The following NEU2 variants were observed in gnomAD, a reference collection of about 807,000 sequenced individuals.
NEU2 encodes sialidase-2.
Under a neutral mutation model 6.3 loss-of-function variants are expected in NEU2, and 7 were observed. The observed-to-expected ratio is 1.12, with a 90% confidence interval of 0.63 to 2.10. The LOEUF is 2.10. Among genes scored for constraint, NEU2 ranks in the 30% most tolerant of loss-of-function variants. The probability of loss-of-function intolerance (pLI) is 0.00; values close to 1 mark genes in which losing one functional copy is unlikely to be tolerated. For missense variants in NEU2, 509 were observed against 504.0 expected, an observed-to-expected ratio of 1.01 and a Z score of -0.09; for synonymous variants, 208 against 223.3, an observed-to-expected ratio of 0.93 and a Z score of 0.61.
At position 233,034,812 on chromosome 2, in the gene NEU2, C is replaced by T. The variant is rs1189025772; in HGVS notation, c.898C>T (p.His300Tyr). The change falls in exon 2 of 2, where the codon CAC (histidine) becomes TAC (tyrosine). Residue 300 changes from histidine to tyrosine, a missense_variant. Transcript: ENST00000233840. This position sits in a 1 kb window ranked among gnomAD's most constrained non-coding sequence, Gnocchi z 4.8. ...AQWLLYTHPT[H>Y]SWQRADLGAY... ...GTGGCTGCTCTACACTCACCCCACACACTCCTGGCAGAGGGCCGACCTGGG... is the reference window on the plus strand; with the variant it reads ...GTGGCTGCTCTACACTCACCCCACATACTCCTGGCAGAGGGCCGACCTGGG... 2 of 1,584,544 alleles carry T rather than the reference C, an allele frequency of 1.3e-6. No homozygotes were observed. Among genetic ancestry groups the T allele is most frequent in the East Asian group, 2.2e-5 (1 of 44,604 alleles).
chr2:233,032,816 G>T lies in NEU2; in HGVS notation c.145G>T (p.Ala49Ser), dbSNP rs374542515. ...GCGGGCAAGCAAGAAGGATGAGCAC[G>T]CAGAGCTGATTGTCCTGCGCAGAGG... ...EQRASKKDEH[A>S]ELIVLRRGDY... Residue 49 changes from alanine to serine, a missense_variant, in exon 1 of 2, where the codon GCA (alanine) becomes TCA (serine). Physicochemically the swap from Ala to Ser is moderately conservative, Grantham distance 99. Transcript: ENST00000233840. The T allele has an allele frequency of 1.2e-6, 2 of 1,613,994 alleles. No individual in the cohort carries two copies. Among genetic ancestry groups the T allele is most frequent in the African/African-American group, 1.3e-5 (1 of 74,942 alleles).
chr2:233,034,151 G>T lies in NEU2; in HGVS notation c.237G>T (p.Leu79=). Residue 79 remains leucine, a synonymous_variant, in exon 2 of 2, where the codon CTG becomes CTT. Transcript: ENST00000233840. The surrounding 1 kb of genome is among the most constrained non-coding windows in gnomAD (Gnocchi z 4.8). ...AGGAGGTGGTGGCCCAGGCCCGGCTGGATGGCCACCGGTCCATGAACCCAT... is the reference window on the plus strand; with the variant it reads ...AGGAGGTGGTGGCCCAGGCCCGGCTTGATGGCCACCGGTCCATGAACCCAT... The part of the protein sequence containing the change: ...QAQEVVAQAR[L]DGHRSMNPCP... 6.2e-7 allele frequency: 1 copy of T among 1,613,608 alleles called. No homozygotes were observed. Among genetic ancestry groups the T allele is most frequent in the East Asian group, 2.2e-5 (1 of 44,874 alleles).
Position 233,034,433 on chromosome 2 carries a change from C to T in NEU2, c.519C>T (p.Ser173=). The T allele has an allele frequency of 6.2e-7, 1 of 1,613,994 alleles. No homozygotes were observed. Among genetic ancestry groups the T allele is most frequent in the Non-Finnish European group, 8.5e-7 (1 of 1,179,886 alleles). The change falls in exon 2 of 2, where the codon AGC becomes AGT. Residue 173 remains serine (S), a synonymous_variant. Coordinates refer to ENST00000233840, the MANE Select transcript of NEU2 (RefSeq NM_005383.2). This position sits in a 1 kb window ranked among gnomAD's most constrained non-coding sequence, Gnocchi z 4.8. ...HCLQLHDRAR[S]LVVPAYAYRK... ...TGCAGCTTCACGACAGGGCCCGGAG[C>T]CTGGTGGTGCCCGCCTACGCCTACC... is the stretch of plus-strand genomic sequence containing the variant.
In NEU2 at chr2:233,034,429, G is replaced by A. The variant is rs746849003; in HGVS notation, c.515G>A (p.Arg172Gln). ...TGTTTGCAGCTTCACGACAGGGCCC[G>A]GAGCCTGGTGGTGCCCGCCTACGCC... ...GHCLQLHDRARSLVVPAYAYR... is the reference protein window; with the variant it reads ...GHCLQLHDRAQSLVVPAYAYR... Residue 172 changes from arginine to glutamine, a missense_variant, in exon 2 of 2, where the codon CGG becomes CAG. Physicochemically the swap from Arg to Gln is conservative, Grantham distance 43. Coordinates refer to ENST00000233840, the MANE Select transcript of NEU2 (RefSeq NM_005383.2). The surrounding 1 kb of genome is among the most constrained non-coding windows in gnomAD (Gnocchi z 4.8). 6.8e-5 allele frequency: 109 copies of A among 1,613,830 alleles called. No homozygotes were observed. The highest frequency in any genetic ancestry group is 8.6e-5 in the Non-Finnish European group (102 of 1,179,894).
At chr2:233,033,479 T>C (rs1008715864) in intron 1 of NEU2, among the ~76,000 whole-genome samples, 2 of 152,164 alleles carry the variant, frequency 1.3e-5, no homozygotes, top group Non-Finnish European at 2.9e-5. Context: ...TAACACCTGT[T>C]CCCTGGGGAT....
Position 233,034,991 on chromosome 2 carries a change from C to T in NEU2, c.1077C>T (p.Tyr359=), listed in dbSNP as rs201865338. 3.2e-5 allele frequency: 52 copies of T among 1,613,820 alleles called. No homozygotes were observed. The highest frequency in any genetic ancestry group is 1.6e-4 in the South Asian group (15 of 91,074). Residue 359 remains tyrosine (Y), a synonymous_variant, in exon 2 of 2, where the codon TAC becomes TAT. Coordinates refer to ENST00000233840, the MANE Select transcript of NEU2 (RefSeq NM_005383.2). This position sits in a 1 kb window ranked among gnomAD's most constrained non-coding sequence, Gnocchi z 4.8. ...LFGCLYEAND[Y]EEIVFLMFTL... is the part of the protein sequence containing the mutation. The stretch of plus-strand genomic sequence containing the variant: ...GGTGTCTGTACGAAGCCAATGATTA[C>T]GAGGAGATTGTCTTTCTCATGTTCA...
At position 233,034,815 on chromosome 2, in the gene NEU2, T is replaced by A; in HGVS notation, c.901T>A (p.Ser301Thr). The change falls in exon 2 of 2, where the codon TCC becomes ACC. Residue 301 changes from serine to threonine, a missense_variant. Ser to Thr is a moderately conservative substitution (Grantham distance 58). Coordinates refer to ENST00000233840, the MANE Select transcript of NEU2 (RefSeq NM_005383.2). This position sits in a 1 kb window ranked among gnomAD's most constrained non-coding sequence, Gnocchi z 4.8. ...QWLLYTHPTH[S>T]WQRADLGAYL... ...GCTGCTCTACACTCACCCCACACACTCCTGGCAGAGGGCCGACCTGGGTGC... is the reference window on the plus strand; with the variant it reads ...GCTGCTCTACACTCACCCCACACACACCTGGCAGAGGGCCGACCTGGGTGC... 1 of 1,588,596 alleles carries A rather than the reference T, an allele frequency of 6.3e-7. No individual in the cohort carries two copies. Among genetic ancestry groups the A allele is most frequent in the Non-Finnish European group, 8.6e-7 (1 of 1,166,402 alleles).
In NEU2 at chr2:233,034,099, T is replaced by C. The variant is rs1174323578; in HGVS notation, c.202-17T>C. 4 of 1,583,946 alleles carry C rather than the reference T, an allele frequency of 2.5e-6. No homozygotes were observed. The African/African-American group carries it at 4.0e-5, about 16-fold the overall frequency. ...GCTGTTTCAAGGCTGCCTTCTTCTT[T>C]CTCTCTCCCTACTCAGTGGCAAGCT... On this transcript the variant is annotated splice_polypyrimidine_tract_variant and intron_variant, in intron 1 of 1. Coordinates refer to ENST00000233840, the MANE Select transcript of NEU2 (RefSeq NM_005383.2). This position sits in a 1 kb window ranked among gnomAD's most constrained non-coding sequence, Gnocchi z 4.8.
rs1385526857 is a variant in NEU2, at chr2:233,032,738, C to G, written c.67C>G (p.Pro23Ala). Residue 23 changes from proline to alanine, a missense_variant, in exon 1 of 2, where the codon CCT becomes GCT. Coordinates refer to ENST00000233840, the MANE Select transcript of NEU2 (RefSeq NM_005383.2). ...GTCGGGAGCCCATGCCTACAGAATC[C>G]CTGCCCTGCTCTACCTGCCTGGGCA... is the stretch of plus-strand genomic sequence containing the variant. ...FQSGAHAYRI[P>A]ALLYLPGQQS... 2 of 1,614,120 alleles carry G rather than the reference C, an allele frequency of 1.2e-6. No homozygotes were observed. Among genetic ancestry groups the G allele is most frequent in the Non-Finnish European group, 1.7e-6 (2 of 1,180,052 alleles).
intron 1 of NEU2, among the ~76,000 whole-genome samples, chr2:233,033,707 C>G (rs11681712): frequency 0.16 from 24,540 of 152,084 alleles, 2,426 homozygotes; most frequent in African/African-American, 0.26. Flanking sequence ...TTGTACTGGT[C>G]AGGTTATTGC....
In NEU2 at chr2:233,034,376, G is replaced by T; in HGVS notation, c.462G>T (p.Trp154Cys). Residue 154 changes from tryptophan to cysteine, a missense_variant, in exon 2 of 2, where the codon TGG (tryptophan) becomes TGT (cysteine). Physicochemically the swap from Trp to Cys is radical, Grantham distance 215. Transcript: ENST00000233840. This position sits in a 1 kb window ranked among gnomAD's most constrained non-coding sequence, Gnocchi z 4.8. Reference sequence around the variant, plus strand: ...CCATCGGCCCAGCCTACCGGGAGTGGTCCACCTTTGCAGTGGGCCCGGGGC... The same window carrying T: ...CCATCGGCCCAGCCTACCGGGAGTGTTCCACCTTTGCAGTGGGCCCGGGGC... Reference protein sequence around the residue: ...DAAIGPAYREWSTFAVGPGHC... With the variant: ...DAAIGPAYRECSTFAVGPGHC... 1 of 1,614,020 alleles carries T rather than the reference G, an allele frequency of 6.2e-7. No individual in the cohort carries two copies. The highest frequency in any genetic ancestry group is 1.7e-5 in the Admixed American group (1 of 60,008).
At chr2:233,033,103 T>G (rs1690537410) in intron 1 of NEU2, among the ~76,000 whole-genome samples, 1 of 152,198 alleles carries the variant, frequency 6.6e-6, no homozygotes, top group African/African-American at 2.4e-5. Context: ...AAAGATTGAA[T>G]GAGTTGCCCA....
intron 1 of NEU2, among the ~76,000 whole-genome samples, chr2:233,033,089 C>T (rs917735733): frequency 2.0e-5 from 3 of 152,154 alleles, no homozygotes; most frequent in East Asian, 1.9e-4. Flanking sequence ...CATCTGTTTT[C>T]ATGAAAGATT....
intron 1 of NEU2, among the ~76,000 whole-genome samples, chr2:233,033,115 C>A (rs141857581): frequency 6.6e-6 from 1 of 152,270 alleles, no homozygotes; most frequent in African/African-American, 2.4e-5. Context: ...AGTTGCCCAG[C>A]ATCCGTGATG....
chr2:233,034,546 T>C lies in NEU2; in HGVS notation c.632T>C (p.Phe211Ser), dbSNP rs1306652613. Residue 211 changes from phenylalanine to serine, a missense_variant, in exon 2 of 2, where the codon TTT becomes TCT. By Grantham distance (155) the Phe-to-Ser change is radical. Transcript: ENST00000233840. The surrounding 1 kb of genome is among the most constrained non-coding windows in gnomAD (Gnocchi z 4.8). Reference sequence around the variant, plus strand: ...GGGCGCACGTGGGCGCGAGGGCACTTTGTGGCCCAGGACACCCTGGAGTGC... The same window carrying C: ...GGGCGCACGTGGGCGCGAGGGCACTCTGTGGCCCAGGACACCCTGGAGTGC... ...DHGRTWARGH[F>S]VAQDTLECQV... is the part of the protein sequence containing the mutation. 6.2e-7 allele frequency: 1 copy of C among 1,614,082 alleles called. No homozygotes were observed. The highest frequency in any genetic ancestry group is 8.5e-7 in the Non-Finnish European group (1 of 1,179,962).
In NEU2 at chr2:233,034,106, C is replaced by G. The variant is rs776174922; in HGVS notation, c.202-10C>G. 1 of 1,599,342 alleles carries G rather than the reference C, an allele frequency of 6.3e-7. No individual in the cohort carries two copies. Among genetic ancestry groups the G allele is most frequent in the South Asian group, 1.1e-5 (1 of 89,016 alleles). ...CAAGGCTGCCTTCTTCTTTCTCTCT[C>G]CCTACTCAGTGGCAAGCTCAGGAGG... On this transcript the variant is annotated splice_polypyrimidine_tract_variant and intron_variant, in intron 1 of 1. Coordinates refer to ENST00000233840, the MANE Select transcript of NEU2 (RefSeq NM_005383.2). This position sits in a 1 kb window ranked among gnomAD's most constrained non-coding sequence, Gnocchi z 4.8.
At position 233,032,844 on chromosome 2, in the gene NEU2, A is replaced by T; in HGVS notation, c.173A>T (p.Asp58Val). 6.2e-7 allele frequency: 1 copy of T among 1,610,290 alleles called. No homozygotes were observed. Among genetic ancestry groups the T allele is most frequent in the South Asian group, 1.1e-5 (1 of 90,598 alleles). Residue 58 changes from aspartate (D) to valine (V), a missense_variant, in exon 1 of 2, where the codon GAC becomes GTC. Transcript: ENST00000233840. ...HAELIVLRRGDYDAPTHQVQW... is the reference protein window; with the variant it reads ...HAELIVLRRGVYDAPTHQVQW... ...GAGCTGATTGTCCTGCGCAGAGGAG[A>T]CTACGACGCACCCACCCACCAGGTT... is the stretch of plus-strand genomic sequence containing the variant.
chr2:233,034,595 G>A lies in NEU2; in HGVS notation c.681G>A (p.Gly227=). The A allele has an allele frequency of 6.2e-7, 1 of 1,613,854 alleles. No homozygotes were observed. Among genetic ancestry groups the A allele is most frequent in the South Asian group, 1.1e-5 (1 of 91,028 alleles). Residue 227 remains glycine (G), a synonymous_variant, in exon 2 of 2, where the codon GGG becomes GGA. Transcript: ENST00000233840. The surrounding 1 kb of genome is among the most constrained non-coding windows in gnomAD (Gnocchi z 4.8). ...LECQVAEVET[G]EQRVVTLNAR... The stretch of plus-strand genomic sequence containing the variant: ...GCCAGGTGGCCGAAGTCGAGACTGG[G>A]GAGCAGAGGGTGGTGACCCTCAACG...
Position 233,034,810 on chromosome 2 carries a change from C to A in NEU2, c.896C>A (p.Thr299Lys). The change falls in exon 2 of 2, where the codon ACA (threonine) becomes AAA (lysine). Residue 299 changes from threonine (T) to lysine (K), a missense_variant. Transcript: ENST00000233840. The surrounding 1 kb of genome is among the most constrained non-coding windows in gnomAD (Gnocchi z 4.8). ...PAQWLLYTHP[T>K]HSWQRADLGA... is the part of the protein sequence containing the mutation. ...CAGTGGCTGCTCTACACTCACCCCA[C>A]ACACTCCTGGCAGAGGGCCGACCTG... 1.9e-6 allele frequency: 3 copies of A among 1,583,408 alleles called. No homozygotes were observed. Among genetic ancestry groups the A allele is most frequent in the Non-Finnish European group, 2.6e-6 (3 of 1,163,812 alleles).
Sources: gnomAD v4.1 joint callset for allele counts (sites outside exome capture counted in the v4.1 genomes callset) on GRCh38, gnomAD v4.1.1 for gene constraint, Gnocchi (gnomAD v3.1) non-coding constraint, MANE v1.5 for transcripts, NCBI Gene and HGNC (gene_info 2026-07-23, HGNC 2026-07-21) for gene names.